Variants in DTNB observed in about 807,000 individuals in gnomAD.
DTNB encodes the protein DTN-B.
DTNB carries 63 observed loss-of-function variants against 90.7 expected under a neutral mutation model. That is an observed-to-expected ratio of 0.69 (90% CI 0.57 to 0.86). The LOEUF is 0.86. DTNB is among the 40% of genes least tolerant of loss of function. The probability of loss-of-function intolerance (pLI) is 0.00; values close to 1 mark genes in which losing one functional copy is unlikely to be tolerated. For missense variants in DTNB, 744 were observed against 807.1 expected, an observed-to-expected ratio of 0.92 and a Z score of 0.95; for synonymous variants, 277 against 286.7, an observed-to-expected ratio of 0.97 and a Z score of 0.34.
At chr2:25,553,596 C>T (rs1292893235) in intron 8 of DTNB, among the ~76,000 whole-genome samples, 8 of 151,512 alleles carry the variant, frequency 5.3e-5, no homozygotes, top group South Asian at 2.1e-4. Flanking sequence ...AAAAATTAGC[C>T]GGGTGTGGTG....
chr2:25,662,647 C>A (rs1458649109), intron 1 of DTNB, among the ~76,000 whole-genome samples: 5 of 105,640 alleles, frequency 4.7e-5, no homozygotes, highest in Admixed American at 3.6e-4. Context: ...TACAAATATA[C>A]AAATACACAC....
chr2:25,542,593 T>C (rs945695335), intron 8 of DTNB, among the ~76,000 whole-genome samples: 1 of 152,222 alleles, frequency 6.6e-6, no homozygotes, highest in African/African-American at 2.4e-5. Flanking sequence ...TGTATAATAC[T>C]GCAATTATTC....
At chr2:25,624,584 G>A (rs1054991741) in intron 4 of DTNB, among the ~76,000 whole-genome samples, 1 of 152,172 alleles carries the variant, frequency 6.6e-6, no homozygotes, top group African/African-American at 2.4e-5. Context: ...CTATACACAT[G>A]TTGTTATGAA....
chr2:25,514,038 C>A (rs889987308), intron 9 of DTNB, among the ~76,000 whole-genome samples: 1 of 147,628 alleles, frequency 6.8e-6, no homozygotes, highest in East Asian at 2.0e-4. Context: ...AAAGAACTTA[C>A]AGTCTAATAG....
At chr2:25,582,533 G>A (rs1218024111) in intron 6 of DTNB, among the ~76,000 whole-genome samples, 1 of 152,180 alleles carries the variant, frequency 6.6e-6, no homozygotes, top group Non-Finnish European at 1.5e-5. Context: ...AGAAAGCTGA[G>A]GGACAATCTC....
chr2:25,491,084 C>T (rs778324370), intron 9 of DTNB, among the ~76,000 whole-genome samples: 22 of 150,042 alleles, frequency 1.5e-4, no homozygotes, highest in Non-Finnish European at 2.7e-4. Flanking sequence ...TAAAGTGAAC[C>T]TATATTATTT....
chr2:25,563,525 C>T (rs955052186), intron 8 of DTNB, among the ~76,000 whole-genome samples: 31 of 152,158 alleles, frequency 2.0e-4, no homozygotes, highest in Non-Finnish European at 3.8e-4. Flanking sequence ...AAGGCACTAA[C>T]TCAAGGTCAT....
intron 8 of DTNB, among the ~76,000 whole-genome samples, chr2:25,565,227 T>C (rs1012833203): frequency 6.6e-6 from 1 of 152,120 alleles, no homozygotes; most frequent in African/African-American, 2.4e-5. Context: ...TTAAGTATGA[T>C]GTTAACTGTG....
chr2:25,447,054 G>A (rs2058531059), intron 12 of DTNB, among the ~76,000 whole-genome samples: 1 of 152,156 alleles, frequency 6.6e-6, no homozygotes, highest in African/African-American at 2.4e-5. Flanking sequence ...TTAAAAATCT[G>A]TAATTTCTAT....
chr2:25,658,558 C>T (rs2082523336), intron 1 of DTNB, among the ~76,000 whole-genome samples: 1 of 152,164 alleles, frequency 6.6e-6, no homozygotes, highest in Admixed American at 6.5e-5. Context: ...AACTGCAATA[C>T]TTCATAAATG....
intron 6 of DTNB, among the ~76,000 whole-genome samples, chr2:25,589,751 A>G (rs1212812518): frequency 2.0e-5 from 3 of 152,106 alleles, no homozygotes; most frequent in Non-Finnish European, 4.4e-5. Context: ...ACTAAAGTCA[A>G]TATTGTTACA....
rs1354301827 is a variant in DTNB, at chr2:25,388,499, G to C, written c.1576-138C>G. The C allele has an allele frequency of 5.8e-6, 7 of 1,204,312 alleles. 1 individual carries two copies. In the East Asian group the frequency reaches 1.3e-4, roughly 23 times the overall value. The allele number at this position is 1,204,312 out of a possible 1,614,324, so 74.6% of individuals were successfully genotyped here. A position where few individuals can be genotyped will look rare whatever the true frequency, so the allele number is the denominator to read the frequency against. ...GGTACAAGATCATACTTGAAAGGAAGGAGTTAGGCTGCTTCCAAGACTGGA... is the reference window on the plus strand; with the variant it reads ...GGTACAAGATCATACTTGAAAGGAACGAGTTAGGCTGCTTCCAAGACTGGA... On this transcript the variant is annotated intron_variant, in intron 16 of 20. Coordinates refer to ENST00000406818, the MANE Select transcript of DTNB (RefSeq NM_021907.5).
At chr2:25,576,221 G>GTTTTTT (rs57969480) in intron 8 of DTNB, among the ~76,000 whole-genome samples, 172 of 97,432 alleles carry the variant, frequency 1.8e-3, no homozygotes, top group Non-Finnish European at 2.8e-3. Context: ...GAACAGTTTT[G>GTTTTTT]TTTTTTTTTT....
chr2:25,473,262 G>GA (rs886664950), intron 10 of DTNB, among the ~76,000 whole-genome samples: 1 of 151,960 alleles, frequency 6.6e-6, no homozygotes, highest in Non-Finnish European at 1.5e-5. Context: ...TAAGAGGAGT[G>GA]AAAAAAAATC....
chr2:25,535,427 G>A (rs1233430484), intron 8 of DTNB, among the ~76,000 whole-genome samples: 2 of 149,002 alleles, frequency 1.3e-5, no homozygotes, highest in African/African-American at 5.0e-5. Flanking sequence ...GGGCGGCCAG[G>A]CAGAGGCGCT....
rs751641407 is a variant in DTNB at position 25,577,007 on chromosome 2, T to A, written c.710-3A>T. 6.2e-7 allele frequency: 1 copy of A among 1,600,512 alleles called. No individual in the cohort carries two copies. ...GGAGCACTCCACGGGATGGAAGACT[T>A]GTGGACAGGAGAGAAAAGGGGAGAA... On this transcript the variant is annotated splice_region_variant and splice_polypyrimidine_tract_variant and intron_variant, in intron 7 of 20. Transcript: ENST00000406818.
intron 9 of DTNB, among the ~76,000 whole-genome samples, chr2:25,511,907 G>A (rs1207907664): frequency 6.6e-6 from 1 of 151,986 alleles, no homozygotes; most frequent in East Asian, 1.9e-4. Flanking sequence ...CAGCTTAGAA[G>A]AAATAACTAA....
chr2:25,427,760 C>G, intron 14 of DTNB, 129 bp from the exon 15 acceptor site: 1 of 776,042 alleles, frequency 1.3e-6, no homozygotes, highest in Non-Finnish European at 2.0e-6. Context: ...ATTTAGCATC[C>G]AATACCTCAT....
At chr2:25,475,811 T>G (rs2063627249) in intron 10 of DTNB, among the ~76,000 whole-genome samples, 1 of 152,182 alleles carries the variant, frequency 6.6e-6, no homozygotes, top group Non-Finnish European at 1.5e-5. Context: ...AAATTTACCT[T>G]GCCTGCACTC....
Sources: allele counts gnomAD v4.1 joint callset (sites outside exome capture counted in the v4.1 genomes callset), GRCh38; gene constraint gnomAD v4.1.1; transcripts MANE v1.5; gene names NCBI Gene and HGNC (gene_info 2026-07-23, HGNC 2026-07-21).